The following ADAMTS12 variants were observed in gnomAD, a reference collection of about 807,000 sequenced individuals.
The protein encoded by ADAMTS12 is A disintegrin and metalloproteinase with thrombospondin motifs 12.
A neutral mutation model predicts 167.8 loss-of-function variants in ADAMTS12; 118 were observed. The observed-to-expected ratio is 0.70, with a 90% CI of 0.61 to 0.82. The LOEUF is 0.82. ADAMTS12 is among the 40% of genes least tolerant of loss of function. The pLI is 0.00. For synonymous variants in ADAMTS12, 704 were observed against 716.9 expected (o/e 0.98, Z 0.29); for missense variants, 1,916 against 1,998.8 (o/e 0.96, Z 0.79).
intron 9 of ADAMTS12, 137 bp from the exon 10 acceptor site, chr5:33,643,607 G>A (rs2112177549): frequency 2.7e-6 from 2 of 734,184 alleles, no homozygotes; most frequent in African/African-American, 1.8e-5. Context: ...GTGACAGAAA[G>A]CAATCATTAG....
intron 23 of ADAMTS12, among the ~76,000 whole-genome samples, chr5:33,533,854 C>T (rs574298134): frequency 1.4e-3 from 207 of 152,280 alleles, no homozygotes; most frequent in Middle Eastern, 6.8e-3. Context: ...CCCAAAGCTC[C>T]TGTTGGGCTT....
chr5:33,780,719 C>G (rs1485767466), intron 2 of ADAMTS12, among the ~76,000 whole-genome samples: 1 of 152,162 alleles, frequency 6.6e-6, no homozygotes, highest in East Asian at 1.9e-4. Context: ...AATCGTATTG[C>G]TTTAAGACAA....
rs571526709 is a variant in ADAMTS12 at position 33,545,954 on chromosome 5, T to C, written c.4446+105A>G. ...GCAGCAAACCAACGTGGCACATGTATACCTATGTAACAAACCTGCACGTTG... is the reference window on the plus strand; with the variant it reads ...GCAGCAAACCAACGTGGCACATGTACACCTATGTAACAAACCTGCACGTTG... On this transcript the variant is annotated intron_variant, in intron 22 of 23. Coordinates refer to ENST00000504830, the MANE Select transcript of ADAMTS12 (RefSeq NM_030955.4). 12 of 1,391,768 alleles carry C rather than the reference T, an allele frequency of 8.6e-6. No homozygotes were observed. In the African/African-American group the frequency reaches 1.5e-4, roughly 17 times the overall value. 86.2% of individuals were successfully genotyped at this position (1,391,768 alleles called of 1,614,324 possible).
At chr5:33,645,144 TTTATTATTATTATTATTATTATTA>T (rs145012036) in intron 9 of ADAMTS12, among the ~76,000 whole-genome samples, 21 of 146,034 alleles carry the variant, frequency 1.4e-4, no homozygotes, top group Non-Finnish European at 2.4e-4. Context: ...AAATGCTTTA[TTTATTATTATTATTATTATTATTA>T]TTATTATTAT....
At chr5:33,725,445 T>C (rs1220760309) in intron 3 of ADAMTS12, among the ~76,000 whole-genome samples, 1 of 152,218 alleles carries the variant, frequency 6.6e-6, no homozygotes, top group Non-Finnish European at 1.5e-5. Context: ...TACCCAGAAC[T>C]TTCCCCACTT....
At chr5:33,674,769 C>T (rs1741840067) in intron 5 of ADAMTS12, among the ~76,000 whole-genome samples, 1 of 152,114 alleles carries the variant, frequency 6.6e-6, no homozygotes, top group Non-Finnish European at 1.5e-5. Context: ...ATGTCTTCTG[C>T]CAGCATTTCA....
In ADAMTS12 at chr5:33,649,640, C is replaced by T. The variant is rs768460255; in HGVS notation, c.1248G>A (p.Pro416=). 44 of 1,614,032 alleles carry T rather than the reference C, an allele frequency of 2.7e-5. No homozygotes were observed. The highest frequency in any genetic ancestry group is 1.7e-4 in the Admixed American group (10 of 60,026). The change falls in exon 8 of 24, where the codon CCG becomes CCA. Residue 416 remains proline (P), a synonymous_variant. Transcript: ENST00000504830. ...ENDCEPVGRH[P]YIMSRQLQYD... is the part of the protein sequence containing the mutation. Reference sequence around the variant, plus strand: ...ACTGGAGCTGGCGGGACATGATGTACGGATGTCTGCCCACAGGCTCACAGT... The same window carrying T: ...ACTGGAGCTGGCGGGACATGATGTATGGATGTCTGCCCACAGGCTCACAGT...
chr5:33,753,244 C>T lies in ADAMTS12; in HGVS notation c.490-1696G>A, dbSNP rs560673471. On this transcript the variant is annotated intron_variant, in intron 2 of 23. Transcript: ENST00000504830. Reference sequence around the variant, plus strand: ...TAACTACCAACGCCAATAGCAGTTACATCTGACATAATTTGCTTCTATGCT... The same window carrying T: ...TAACTACCAACGCCAATAGCAGTTATATCTGACATAATTTGCTTCTATGCT... 9.2e-5 allele frequency among the ~76,000 whole-genome samples: 14 copies of T among 152,342 alleles called. No individual in the cohort carries two copies. The South Asian group carries it at 2.3e-3, about 25-fold the overall frequency.
chr5:33,566,102 G>A (rs748632249), intron 19 of ADAMTS12, among the ~76,000 whole-genome samples: 4 of 152,134 alleles, frequency 2.6e-5, no homozygotes, highest in Admixed American at 6.6e-5. Flanking sequence ...CCACCCAGCA[G>A]ACAATGAAAA....
intron 23 of ADAMTS12, among the ~76,000 whole-genome samples, chr5:33,532,107 C>G (rs1323997528): frequency 1.3e-5 from 2 of 152,152 alleles, no homozygotes; most frequent in Non-Finnish European, 2.9e-5. Context: ...TCCCAATTTG[C>G]CTCTGCTGGT....
intron 15 of ADAMTS12, 81 bp from the exon 16 acceptor site, chr5:33,614,457 C>T: frequency 1.3e-6 from 2 of 1,545,086 alleles, no homozygotes; most frequent in Non-Finnish European, 1.8e-6. Flanking sequence ...CACAAAATGT[C>T]AGTCATCTAA....
At chr5:33,699,324 C>G (rs1371912673) in intron 3 of ADAMTS12, among the ~76,000 whole-genome samples, 1 of 151,446 alleles carries the variant, frequency 6.6e-6, no homozygotes, top group Non-Finnish European at 1.5e-5. Flanking sequence ...GGATGGTCTT[C>G]TCGACTAAGA....
intron 16 of ADAMTS12, among the ~76,000 whole-genome samples, chr5:33,601,722 TATC>T (rs1738199087): frequency 6.6e-6 from 1 of 152,210 alleles, no homozygotes; most frequent in South Asian, 2.1e-4. Flanking sequence ...ATTATTTTAC[TATC>T]ATCATTTGTT....
intron 2 of ADAMTS12, among the ~76,000 whole-genome samples, chr5:33,802,571 C>T (rs1277743085): frequency 2.0e-5 from 3 of 152,198 alleles, no homozygotes. Flanking sequence ...TTCCCCATGA[C>T]TCCCGTTAAA....
intron 2 of ADAMTS12, among the ~76,000 whole-genome samples, chr5:33,775,310 G>A (rs1745877191): frequency 6.6e-6 from 1 of 152,110 alleles, no homozygotes; most frequent in Non-Finnish European, 1.5e-5. Context: ...GAACATAAGA[G>A]AATAGGATTT....
intron 16 of ADAMTS12, among the ~76,000 whole-genome samples, chr5:33,599,144 C>A (rs1738059154): frequency 1.3e-5 from 2 of 152,190 alleles, no homozygotes; most frequent in Non-Finnish European, 2.9e-5. Flanking sequence ...CACAGTGGAA[C>A]AGAGGCACAG....
At chr5:33,869,332 T>C (rs1012348495) in intron 2 of ADAMTS12, among the ~76,000 whole-genome samples, 4 of 152,100 alleles carry the variant, frequency 2.6e-5, no homozygotes, top group Non-Finnish European at 5.9e-5. Flanking sequence ...AGCTGAGGAC[T>C]GGGGACCTCC....
At chr5:33,587,635 A>G (rs904774030) in intron 18 of ADAMTS12, among the ~76,000 whole-genome samples, 6 of 152,038 alleles carry the variant, frequency 3.9e-5, no homozygotes, top group Admixed American at 6.6e-5. Flanking sequence ...TATTTTTCAT[A>G]GAGATGGTGT....
At chr5:33,862,613 C>A (rs1025730123) in intron 2 of ADAMTS12, among the ~76,000 whole-genome samples, 1 of 152,024 alleles carries the variant, frequency 6.6e-6, no homozygotes, top group African/African-American at 2.4e-5. Context: ...CTACCAGAGG[C>A]ACAAAGAGGA....
Sources: gnomAD v4.1 joint callset for allele counts (sites outside exome capture counted in the v4.1 genomes callset) on GRCh38, gnomAD v4.1.1 for gene constraint, MANE v1.5 for transcripts, NCBI Gene and HGNC (gene_info 2026-07-23, HGNC 2026-07-21) for gene names.